The following SLC44A5 variants were observed in gnomAD, a reference collection of about 807,000 sequenced individuals.
SLC44A5 encodes the protein choline transporter-like protein 5.
SLC44A5 carries 57 observed loss-of-function variants against 101.8 expected under a neutral mutation model. That is an observed-to-expected ratio of 0.56 (90% CI 0.45 to 0.70). SLC44A5 has a LOEUF of 0.70. Among genes scored for constraint, SLC44A5 ranks in the 30% least tolerant of loss-of-function variants. The probability of loss-of-function intolerance (pLI) is 0.00; values close to 1 mark genes in which losing one functional copy is unlikely to be tolerated. For missense variants in SLC44A5, 737 were observed against 853.1 expected (o/e 0.86, Z 1.70); for synonymous variants, 281 against 290.9 (o/e 0.97, Z 0.35).
the SLC44A5 span, among the ~76,000 whole-genome samples, chr1:75,659,677 G>C: frequency 6.7e-6 from 1 of 148,380 alleles, no homozygotes; most frequent in Admixed American, 6.7e-5. Flanking sequence ...GCACGTACCT[G>C]TAGTCCCAGC....
At chr1:75,504,129 A>G (rs1669118446) in intron 2 of SLC44A5, among the ~76,000 whole-genome samples, 1 of 152,200 alleles carries the variant, frequency 6.6e-6, no homozygotes, top group South Asian at 2.1e-4. Flanking sequence ...AACTCGATAC[A>G]TGCTTGTGTG....
At chr1:75,415,782 T>A (rs192578114) in intron 2 of SLC44A5, among the ~76,000 whole-genome samples, 2 of 152,302 alleles carry the variant, frequency 1.3e-5, no homozygotes, top group African/African-American at 4.8e-5. Context: ...TAAAGGTGAC[T>A]CTTGCTATGT....
chr1:75,218,653 A>G lies in SLC44A5; in HGVS notation c.1366T>C (p.Phe456Leu). The G allele has an allele frequency of 1.9e-6, 3 of 1,613,840 alleles. No homozygotes were observed. The highest frequency in any genetic ancestry group is 2.5e-6 in the Non-Finnish European group (3 of 1,179,772). Residue 456 changes from phenylalanine to leucine, a missense_variant, in exon 17 of 24, where the codon TTC becomes CTC. By Grantham distance (22) the Phe-to-Leu change is conservative (BLOSUM62 0). Around this residue, in one of 3 missense-constraint regions of SLC44A5, gnomAD observed 665 missense variants for 764.4 expected, o/e 0.87. Coordinates refer to ENST00000370859, the MANE Select transcript of SLC44A5 (RefSeq NM_001130058.2). ...KSLYHQYIPT[F>L]HVYNLFVFLW... is the part of the protein sequence containing the mutation. ...AAGACAAATAAGTTGTATACATGGA[A>G]GGTAGGGATGTACTGATGGTACAAG...
At chr1:75,585,765 A>G (rs1457408820) in intron 1 of SLC44A5, among the ~76,000 whole-genome samples, 2 of 152,214 alleles carry the variant, frequency 1.3e-5, no homozygotes, top group African/African-American at 4.8e-5. Flanking sequence ...TTAAGAATTA[A>G]TAAGTGAATT....
the SLC44A5 span, among the ~76,000 whole-genome samples, chr1:75,681,418 T>C: frequency 2.2e-4 from 33 of 151,544 alleles, no homozygotes; most frequent in African/African-American, 7.7e-4. Flanking sequence ...CATGATCAAG[T>C]GGGCTTCATC....
At chr1:75,324,135 T>G (rs1656394517) in intron 4 of SLC44A5, among the ~76,000 whole-genome samples, 1 of 152,244 alleles carries the variant, frequency 6.6e-6, no homozygotes, top group South Asian at 2.1e-4. Context: ...AACAATCATC[T>G]GCAGTACTTT....
rs1657977634 is a variant in SLC44A5 at position 75,342,750 on chromosome 1, C to T, written c.53-3120G>A. The stretch of plus-strand genomic sequence containing the variant: ...CTTCCAATCTTCCTGTGATTTGTAC[C>T]TCACCAAGTGAGAAAGTGGATTGCA... On this transcript the variant is annotated intron_variant, in intron 3 of 23. Coordinates refer to ENST00000370859, the MANE Select transcript of SLC44A5 (RefSeq NM_001130058.2). Among the ~76,000 whole-genome samples, 3 of 152,128 alleles carry T rather than the reference C, an allele frequency of 2.0e-5. No individual in the cohort carries two copies. The South Asian group carries it at 6.2e-4, about 32-fold the overall frequency.
intron 1 of SLC44A5, among the ~76,000 whole-genome samples, chr1:75,542,281 G>T (rs1437029630): frequency 6.6e-6 from 1 of 152,012 alleles, no homozygotes. Flanking sequence ...CATAACCATA[G>T]TATAGTTGCC....
intron 12 of SLC44A5, among the ~76,000 whole-genome samples, chr1:75,229,627 A>G (rs1261385282): frequency 1.3e-5 from 2 of 152,150 alleles, no homozygotes; most frequent in African/African-American, 4.8e-5. Context: ...TTGCCCTACC[A>G]TGGCATTCTC....
intron 3 of SLC44A5, among the ~76,000 whole-genome samples, chr1:75,385,277 T>C (rs2101288404): frequency 2.0e-5 from 3 of 146,926 alleles, no homozygotes; most frequent in African/African-American, 7.7e-5. Context: ...GAGCTGGTTT[T>C]TTGAAAGGAT....
At chr1:75,282,100 G>A (rs545945709) in intron 5 of SLC44A5, among the ~76,000 whole-genome samples, 113 of 152,334 alleles carry the variant, frequency 7.4e-4, no homozygotes, top group African/African-American at 2.6e-3. Flanking sequence ...AGCTGGAAAG[G>A]GGGCTGTACT....
At chr1:75,630,729 GATAAAA>G in the SLC44A5 span, among the ~76,000 whole-genome samples, 4 of 152,204 alleles carry the variant, frequency 2.6e-5, no homozygotes, top group African/African-American at 9.6e-5. Flanking sequence ...AACCGTCATT[GATAAAA>G]ATAAAATAAG....
At chr1:75,491,229 T>A (rs1449131001) in intron 2 of SLC44A5, among the ~76,000 whole-genome samples, 1 of 152,106 alleles carries the variant, frequency 6.6e-6, no homozygotes, top group Admixed American at 6.6e-5. Flanking sequence ...TAGATCCTTT[T>A]CAGCAGGAAA....
intron 1 of SLC44A5, among the ~76,000 whole-genome samples, chr1:75,571,634 T>C (rs900243504): frequency 2.0e-5 from 3 of 152,182 alleles, no homozygotes; most frequent in African/African-American, 7.2e-5. Flanking sequence ...TGTAGGCTAA[T>C]GTAAGTGTTC....
chr1:75,477,995 C>A (rs1667544244), intron 2 of SLC44A5, among the ~76,000 whole-genome samples: 1 of 152,018 alleles, frequency 6.6e-6, no homozygotes, highest in Admixed American at 6.5e-5. Context: ...TTAAGGGCAG[C>A]CAGAGAGAAA....
In SLC44A5 at chr1:75,243,011, T is replaced by A. The variant is rs1557568890; in HGVS notation, c.346A>T (p.Ile116Phe). ...LLNLQCPTTQ[I>F]CVSKCPEKFL... ...TTTTCTGGGCACTTGGAGACACAGA[T>A]CTGTGAACGAACAAAGTGATGAGAA... is the stretch of plus-strand genomic sequence containing the variant. The change falls in exon 8 of 24, where the codon ATC becomes TTC. Residue 116 changes from isoleucine (I) to phenylalanine (F), a missense_variant and splice_region_variant. Transcript: ENST00000370859. 6.2e-7 allele frequency: 1 copy of A among 1,610,326 alleles called. No individual in the cohort carries two copies. Among genetic ancestry groups the A allele is most frequent in the Non-Finnish European group, 8.5e-7 (1 of 1,178,338 alleles).
intron 3 of SLC44A5, among the ~76,000 whole-genome samples, chr1:75,373,385 T>C (rs985255087): frequency 6.6e-6 from 1 of 151,838 alleles, no homozygotes; most frequent in Non-Finnish European, 1.5e-5. Flanking sequence ...ACACCCCAAA[T>C]ACAACCCTCT....
chr1:75,707,481 T>C, the SLC44A5 span, among the ~76,000 whole-genome samples: 1 of 152,190 alleles, frequency 6.6e-6, no homozygotes, highest in African/African-American at 2.4e-5. Context: ...CACACTCCCT[T>C]GTACCTACTC....
intron 23 of SLC44A5, among the ~76,000 whole-genome samples, chr1:75,208,024 T>C (rs1157660311): frequency 2.0e-5 from 3 of 152,122 alleles, no homozygotes; most frequent in East Asian, 3.9e-4. Context: ...GGCCCCAAAT[T>C]GCAAGATTAG....
Sources: allele counts gnomAD v4.1 joint callset (sites outside exome capture counted in the v4.1 genomes callset), GRCh38; gene constraint gnomAD v4.1.1; regional missense constraint gnomAD v4.1.1; transcripts MANE v1.5; gene names NCBI Gene and HGNC (gene_info 2026-07-23, HGNC 2026-07-21).